The following COL4A4 variants were observed in gnomAD, a reference collection of about 807,000 sequenced individuals.
COL4A4 encodes collagen alpha-4(IV) chain.
COL4A4 carries 105 observed loss-of-function variants against 192.9 expected under a neutral mutation model. That is an observed-to-expected ratio of 0.54 (90% CI 0.46 to 0.64). The LOEUF (loss-of-function observed/expected upper bound fraction) is 0.64, where lower values mean the gene tolerates loss of function less well. COL4A4 is among the 30% of genes least tolerant of loss of function. COL4A4 has a pLI of 0.00. For synonymous variants in COL4A4, 762 were observed against 769.9 expected, an observed-to-expected ratio of 0.99 and a Z score of 0.17; for missense variants, 1,967 against 2,169.3, an observed-to-expected ratio of 0.91 and a Z score of 1.85.
intron 22 of COL4A4, among the ~76,000 whole-genome samples, chr2:227,083,096 G>T (rs952654758): frequency 6.6e-6 from 1 of 152,118 alleles, no homozygotes. Context: ...GGATGTGATG[G>T]TGCACACCTG....
intron 1 of COL4A4, among the ~76,000 whole-genome samples, chr2:227,151,907 G>C (rs115881956): frequency 6.6e-6 from 1 of 152,340 alleles, no homozygotes; most frequent in East Asian, 1.9e-4. Flanking sequence ...CCAGCACTGT[G>C]AGCAATAAAC....
upstream of COL4A4, chr2:227,164,382 C>T (rs540777682): frequency 5.0e-5 from 22 of 435,812 alleles, no homozygotes; most frequent in East Asian, 9.6e-4. The surrounding 1 kb of genome is among the most constrained non-coding windows in gnomAD (Gnocchi z 4.8). Context: ...AGCATCACCT[C>T]CTTAACCCCT....
intron 1 of COL4A4, among the ~76,000 whole-genome samples, chr2:227,161,434 C>T (rs2064825187): frequency 6.6e-6 from 1 of 152,188 alleles, no homozygotes; most frequent in South Asian, 2.1e-4. Flanking sequence ...AAAGAACCAT[C>T]CTCCTTTCCT....
In COL4A4 at chr2:227,058,072, C is replaced by CT. The variant is rs556680383; in HGVS notation, c.2384-473dup. Among the ~76,000 whole-genome samples, 389 of 152,302 alleles carry CT rather than the reference C, an allele frequency of 2.6e-3. 3 individuals carry two copies. The highest frequency in any genetic ancestry group is 9.0e-3 in the African/African-American group (374 of 41,552). Reference sequence around the variant, plus strand: ...TTCCACACCCTAACCCAAAAATCTACTTTGTTTTCCTATGTTTTCTTTACA... The same window carrying CT: ...TTCCACACCCTAACCCAAAAATCTACTTTTGTTTTCCTATGTTTTCTTTACA... On this transcript the variant is annotated intron_variant, in intron 28 of 47. Coordinates refer to ENST00000396625, the MANE Select transcript of COL4A4 (RefSeq NM_000092.5).
At chr2:227,089,811 C>T in intron 21 of COL4A4, 57 bp downstream of exon 21, 1 of 1,390,650 alleles carries the variant, frequency 7.2e-7, no homozygotes, top group Admixed American at 1.7e-5. Flanking sequence ...TCAGAAATGC[C>T]CCCGATCATC....
chr2:227,026,498 C>CAAA (rs1223060129), intron 42 of COL4A4, among the ~76,000 whole-genome samples: 2 of 72,820 alleles, frequency 2.7e-5, no homozygotes, highest in African/African-American at 4.6e-5. Context: ...GACTCCGTCT[C>CAAA]AAAAAAAAAA....
In COL4A4 at chr2:227,108,591, A is replaced by G. The variant is rs1485925927; in HGVS notation, c.725T>C (p.Met242Thr). ...GNPGVGVKGQ[M>T]GDPGEVGQQG... ...AGAGGGAATTCTTACCGGGTCTCCC[A>G]TTTGCCCCTTTACTCCCACACCGGG... Residue 242 changes from methionine to threonine, a missense_variant, in exon 12 of 48, where the codon ATG becomes ACG. Met to Thr is a moderately conservative substitution (Grantham distance 81). Coordinates refer to ENST00000396625, the MANE Select transcript of COL4A4 (RefSeq NM_000092.5). The G allele has an allele frequency of 1.9e-6, 3 of 1,613,940 alleles. No individual in the cohort carries two copies. The highest frequency in any genetic ancestry group is 1.3e-5 in the African/African-American group (1 of 74,948).
intron 4 of COL4A4, 99 bp downstream of exon 4, chr2:227,140,062 G>T: frequency 1.0e-6 from 1 of 988,592 alleles, no homozygotes; most frequent in South Asian, 1.3e-5. Flanking sequence ...CATTATCGAG[G>T]ACTAAAATTT....
intron 27 of COL4A4, among the ~76,000 whole-genome samples, chr2:227,059,840 T>G (rs1374192644): frequency 6.6e-6 from 1 of 152,126 alleles, no homozygotes; most frequent in Non-Finnish European, 1.5e-5. Flanking sequence ...CCCTAATTGC[T>G]TTCCTTCTCT....
Position 227,022,059 on chromosome 2 carries a change from G to C in COL4A4, c.4205C>G (p.Pro1402Arg), listed in dbSNP as rs745926070. The C allele has an allele frequency of 3.7e-6, 6 of 1,613,994 alleles. No homozygotes were observed. The highest frequency in any genetic ancestry group is 1.7e-6 in the Non-Finnish European group (2 of 1,179,950). The change falls in exon 44 of 48, where the codon CCC (proline) becomes CGC (arginine). Residue 1402 changes from proline (P) to arginine (R), a missense_variant. Pro to Arg is a moderately radical substitution (Grantham distance 103). Transcript: ENST00000396625. ...CATGCGGCTCATACCTGGTCCTGAG[G>C]GGCCTCTCATTCCAGGGAGCCCCAT... ...GAMGLPGMRG[P>R]SGPGCKGEPG...
chr2:227,107,124 A>G (rs1485847920), intron 12 of COL4A4, among the ~76,000 whole-genome samples: 1 of 152,154 alleles, frequency 6.6e-6, no homozygotes, highest in Non-Finnish European at 1.5e-5. Flanking sequence ...AACTTGAAAA[A>G]CATTGTTTTG....
intron 4 of COL4A4, among the ~76,000 whole-genome samples, chr2:227,122,710 C>T (rs927850583): frequency 2.0e-5 from 3 of 152,162 alleles, no homozygotes; most frequent in African/African-American, 7.2e-5. Flanking sequence ...CCAAAGGGCC[C>T]CAGACAATCG....
In COL4A4 at chr2:227,041,808, GAAA is replaced by G. The variant is rs1193628667; in HGVS notation, c.3505+337_3505+339del. On this transcript the variant is annotated intron_variant, in intron 37 of 47. Transcript: ENST00000396625. Reference sequence around the variant, plus strand: ...GAAGGGAAAGAAAGAAAGAAAGGAAGAAAGAAAGAAAGAAAGAAAGAAAGAAAG... The same window carrying G: ...GAAGGGAAAGAAAGAAAGAAAGGAAGGAAAGAAAGAAAGAAAGAAAGAAAG... Among the ~76,000 whole-genome samples the G allele has an allele frequency of 2.9e-3, 67 of 23,196 alleles. 3 individuals carry two copies. Among genetic ancestry groups the G allele is most frequent in the African/African-American group, 0.017 (64 of 3,660 alleles). 15.2% of individuals were successfully genotyped at this position (23,196 alleles called of 152,430 possible).
At chr2:227,082,378 C>A (rs186032290) in intron 22 of COL4A4, among the ~76,000 whole-genome samples, 191 bp from the exon 23 acceptor site, 52 of 152,298 alleles carry the variant, frequency 3.4e-4, no homozygotes, top group Middle Eastern at 3.4e-3. Context: ...TCTTGAACTA[C>A]ATGTCAAATG....
chr2:227,070,730 G>C (rs1459680760), intron 25 of COL4A4, among the ~76,000 whole-genome samples: 1 of 118,284 alleles, frequency 8.5e-6, no homozygotes, highest in Non-Finnish European at 1.8e-5. Flanking sequence ...GGGGTGGGGG[G>C]AGGGGGGAGG....
At chr2:227,092,446 A>G (rs2059991616) in intron 20 of COL4A4, among the ~76,000 whole-genome samples, 1 of 152,200 alleles carries the variant, frequency 6.6e-6, no homozygotes, top group Admixed American at 6.5e-5. Context: ...GGAAGATCTC[A>G]AGACAGTATT....
chr2:227,041,846 A>AAAAGAGAG (rs1971275697), intron 37 of COL4A4, among the ~76,000 whole-genome samples: 1 of 39,302 alleles, frequency 2.5e-5, no homozygotes, highest in Non-Finnish European at 4.4e-5. Flanking sequence ...GAAAGAAAGA[A>AAAAGAGAG]AGAGAAAGAA....
At chr2:226,976,406 G>A in the COL4A4 span, among the ~76,000 whole-genome samples, 1 of 151,606 alleles carries the variant, frequency 6.6e-6, no homozygotes, top group African/African-American at 2.4e-5. Flanking sequence ...CATCAAAGGA[G>A]CAGTACCCCA....
chr2:227,103,660 A>C (rs1448572820), intron 13 of COL4A4, among the ~76,000 whole-genome samples: 2 of 152,232 alleles, frequency 1.3e-5, no homozygotes, highest in African/African-American at 4.8e-5. Context: ...TAACATCTAA[A>C]GGACAACTGG....
Sources: gnomAD v4.1 joint callset for allele counts (sites outside exome capture counted in the v4.1 genomes callset) on GRCh38, gnomAD v4.1.1 for gene constraint, Gnocchi (gnomAD v3.1) non-coding constraint, MANE v1.5 for transcripts, NCBI Gene and HGNC (gene_info 2026-07-23, HGNC 2026-07-21) for gene names.